The following LRP2 variants were observed in gnomAD, a reference collection of about 807,000 sequenced individuals.
The protein encoded by LRP2 is LDL receptor related protein 2, also known as low-density lipoprotein receptor-related protein 2.
Under a neutral mutation model 531.0 loss-of-function variants are expected in LRP2, and 172 were observed. That is an observed-to-expected ratio of 0.32 (90% CI 0.29 to 0.37). LRP2 has a LOEUF of 0.37. LRP2 is among the 10% of genes least tolerant of loss of function. The pLI is 1.00. For synonymous variants in LRP2, 1,992 were observed against 2,027.6 expected, an observed-to-expected ratio of 0.98 and a Z score of 0.47; for missense variants, 5,167 against 5,868.3, an observed-to-expected ratio of 0.88 and a Z score of 3.90.
At chr2:169,181,365 G>T in intron 52 of LRP2, 83 bp downstream of exon 52, 2 of 1,372,190 alleles carry the variant, frequency 1.5e-6, no homozygotes, top group Non-Finnish European at 2.1e-6. Context: ...AGACAATAGA[G>T]GGGACTAATA....
At chr2:169,342,749 T>C (rs1010295831) in intron 1 of LRP2, among the ~76,000 whole-genome samples, 10 of 152,320 alleles carry the variant, frequency 6.6e-5, no homozygotes, top group Non-Finnish European at 1.0e-4. Flanking sequence ...TTTATTTGCA[T>C]GTCTTATTCA....
chr2:169,272,203 A>G lies in LRP2; in HGVS notation c.2116+724T>C, dbSNP rs527799452. ...AGAAAGGAGAAATGTAGAAGTGAAA[A>G]TAAGAAAAACAAATATTGTAGGAGT... On this transcript the variant is annotated intron_variant, in intron 15 of 78. Coordinates refer to ENST00000649046, the MANE Select transcript of LRP2 (RefSeq NM_004525.3). 3.9e-5 allele frequency among the ~76,000 whole-genome samples: 6 copies of G among 152,264 alleles called. No homozygotes were observed. The South Asian group carries it at 1.2e-3, about 32-fold the overall frequency.
At chr2:169,323,015 A>T (rs1268868239) in intron 1 of LRP2, among the ~76,000 whole-genome samples, 1 of 152,196 alleles carries the variant, frequency 6.6e-6, no homozygotes, top group Non-Finnish European at 1.5e-5. Context: ...CTAAAATACC[A>T]AGTTAAACAC....
chr2:169,204,176 T>C lies in LRP2; in HGVS notation c.7811A>G (p.Tyr2604Cys), dbSNP rs752639843. 1 of 1,614,146 alleles carries C rather than the reference T, an allele frequency of 6.2e-7. No homozygotes were observed. The highest frequency in any genetic ancestry group is 8.5e-7 in the Non-Finnish European group (1 of 1,180,020). The change falls in exon 42 of 79, where the codon TAT (tyrosine) becomes TGT (cysteine). Residue 2604 changes from tyrosine (Y) to cysteine (C), a missense_variant. Tyr to Cys is a radical substitution (Grantham distance 194, BLOSUM62 -2). Coordinates refer to ENST00000649046, the MANE Select transcript of LRP2 (RefSeq NM_004525.3). ...TGTGTACAAGTCAGTCCAGTAAATA[T>C]ACTGGCCATAGAGAGTCAAGCCAAA... ...HAFGLTLYGQYIYWTDLYTQR... is the reference protein window; with the variant it reads ...HAFGLTLYGQCIYWTDLYTQR...
Position 169,207,030 on chromosome 2 carries a change from T to C in LRP2, c.6690A>G (p.Ser2230=), listed in dbSNP as rs1358309414. The stretch of plus-strand genomic sequence containing the variant: ...AGCCCCGTGGTGTGACAATGCCCTC[T>C]GACACAAGCACTGTTCGATTGGTAC... ...LDCTNRTVLV[S]EGIVTPRGLA... Residue 2230 remains serine, a synonymous_variant, in exon 39 of 79, where the codon TCA becomes TCG. Transcript: ENST00000649046. 1.9e-6 allele frequency: 3 copies of C among 1,614,106 alleles called. No individual in the cohort carries two copies. The highest frequency in any genetic ancestry group is 2.7e-5 in the African/African-American group (2 of 74,938).
At chr2:169,172,539 C>T (rs1687044343) in intron 57 of LRP2, among the ~76,000 whole-genome samples, 4 of 152,190 alleles carry the variant, frequency 2.6e-5, no homozygotes, top group Admixed American at 2.6e-4. Flanking sequence ...ACACATACTC[C>T]AGATGCTTTG....
chr2:169,175,216 G>T lies in LRP2; in HGVS notation c.10745C>A (p.Ser3582Tyr). 1 of 1,614,140 alleles carries T rather than the reference G, an allele frequency of 6.2e-7. No homozygotes were observed. The highest frequency in any genetic ancestry group is 1.1e-5 in the South Asian group (1 of 91,062). The change falls in exon 55 of 79, where the codon TCT becomes TAT. Residue 3582 changes from serine to tyrosine, a missense_variant. By Grantham distance (144) the Ser-to-Tyr change is moderately radical (BLOSUM62 -2). Transcript: ENST00000649046. ...CNAHQNCPDG[S>Y]DEDRLLCENH... ...ACCACAAAGAAGACGGTCTTCATCA[G>T]ACCCATCAGGGCAATTTTGGTGAGC...
chr2:169,312,867 C>A (rs1684653616), intron 3 of LRP2, among the ~76,000 whole-genome samples: 1 of 152,202 alleles, frequency 6.6e-6, no homozygotes, highest in South Asian at 2.1e-4. Context: ...GGTCGTTTCA[C>A]ATAGTCCCAT....
chr2:169,325,000 A>G (rs1230508443), intron 1 of LRP2, among the ~76,000 whole-genome samples: 7 of 152,086 alleles, frequency 4.6e-5, no homozygotes, highest in Admixed American at 4.6e-4. Flanking sequence ...TTAAATCCAT[A>G]GAAAGAAAAA....
In LRP2 at chr2:169,166,045, G is replaced by A; in HGVS notation, c.11645C>T (p.Pro3882Leu). The A allele has an allele frequency of 6.2e-7, 1 of 1,613,950 alleles. No individual in the cohort carries two copies. The highest frequency in any genetic ancestry group is 8.5e-7 in the Non-Finnish European group (1 of 1,179,910). Residue 3882 changes from proline (P) to leucine (L), a missense_variant, in exon 62 of 79, where the codon CCC becomes CTC. By Grantham distance (98) the Pro-to-Leu change is moderately conservative. Transcript: ENST00000649046. ...CCGGAAACGGTTTGGTGAATTACAG[G>A]GAACATCCACTGAAAGGAAAGATAG... ...DEELHLCLDV[P>L]CNSPNRFRCD...
chr2:169,279,583 CA>C lies in LRP2; in HGVS notation c.1353del (p.Asp452ThrfsTer5). Reference sequence around the variant, plus strand: ...TCTTGGATATTTAAACCATTAATGTCAACTGAAAAAACCTGAAAGAAAAACC... The same window carrying C: ...TCTTGGATATTTAAACCATTAATGTCACTGAAAAAACCTGAAAGAAAAACC... ...TDTVQNKVFSVDINGLNIQEV... is the reference protein window; with the variant it reads ...TDTVQNKVFSXDINGLNIQEV... On this transcript the variant is annotated frameshift_variant, in exon 12 of 79. Coordinates refer to ENST00000649046, the MANE Select transcript of LRP2 (RefSeq NM_004525.3). LOFTEE classifies it high-confidence loss of function. The C allele has an allele frequency of 6.2e-7, 1 of 1,611,242 alleles. No individual in the cohort carries two copies.
chr2:169,205,705 A>AG lies in LRP2; in HGVS notation c.7557-69dup. The AG allele has an allele frequency of 4.4e-6, 6 of 1,350,382 alleles. No individual in the cohort carries two copies. In the African/African-American group the frequency reaches 8.9e-5, roughly 20 times the overall value. The allele number at this position is 1,350,382 out of a possible 1,614,324, so 83.6% of individuals were successfully genotyped here. Reference sequence around the variant, plus strand: ...TCATAGTCCTTTAAAAAAAAAAAAAAGGACAATATTCTTTAATTGCAAATT... The same window carrying AG: ...TCATAGTCCTTTAAAAAAAAAAAAAAGGGACAATATTCTTTAATTGCAAATT... On this transcript the variant is annotated intron_variant, in intron 40 of 78. Transcript: ENST00000649046.
In LRP2 at chr2:169,193,783, G is replaced by A. The variant is rs367851828; in HGVS notation, c.8808C>T (p.Asp2936=). 1.4e-5 allele frequency: 22 copies of A among 1,613,970 alleles called. No individual in the cohort carries two copies. Among genetic ancestry groups the A allele is most frequent in the East Asian group, 4.5e-5 (2 of 44,892 alleles). ...TACGACACTGGTGCCTTTTATCCTC[G>A]TCACTCATATCCCCACAGTCATTAT... ...DGDNDCGDMS[D]EDKRHQCQNQ... The change falls in exon 47 of 79, where the codon GAC becomes GAT. Residue 2936 remains aspartate (D), a synonymous_variant. Transcript: ENST00000649046.
intron 1 of LRP2, among the ~76,000 whole-genome samples, chr2:169,360,410 A>G (rs964418197): frequency 2.0e-5 from 3 of 149,918 alleles, no homozygotes; most frequent in African/African-American, 7.3e-5. Flanking sequence ...CTAGGTTACT[A>G]TTACTATACA....
At chr2:169,154,732 C>CT in intron 65 of LRP2, 129 bp from the exon 66 acceptor site, 1 of 808,672 alleles carries the variant, frequency 1.2e-6, no homozygotes, top group Non-Finnish European at 2.1e-6. Context: ...ATCTGACTAT[C>CT]TCTGTTAATC....
At chr2:169,255,614 TA>T (rs893091612) in intron 19 of LRP2, among the ~76,000 whole-genome samples, 11 of 152,174 alleles carry the variant, frequency 7.2e-5, no homozygotes, top group Non-Finnish European at 1.2e-4. Context: ...ACATTTTGAA[TA>T]AAAAAGTTTC....
chr2:169,328,206 G>A (rs1312133109), intron 1 of LRP2, among the ~76,000 whole-genome samples: 2 of 119,030 alleles, frequency 1.7e-5, no homozygotes, highest in Non-Finnish European at 1.8e-5. Flanking sequence ...TCAGCGCCCC[G>A]CCCGGCCAGC....
chr2:169,195,375 T>C (rs1298384489), intron 46 of LRP2, among the ~76,000 whole-genome samples: 1 of 152,158 alleles, frequency 6.6e-6, no homozygotes, highest in East Asian at 1.9e-4. Flanking sequence ...ATATAAAAGA[T>C]AAAAGTAAGT....
Position 169,204,120 on chromosome 2 carries a change from C to T in LRP2, c.7867G>A (p.Gly2623Arg), listed in dbSNP as rs762220953. ...GTGGTCATTGCAATCTGACCTGACC[C>T]GTCATATTTGTTAGCTCGGTAAATT... ...QRIYRANKYD[G>R]SGQIAMTTNL... The change falls in exon 42 of 79, where the codon GGG (glycine) becomes AGG (arginine). Residue 2623 changes from glycine to arginine, a missense_variant. Physicochemically the swap from Gly to Arg is moderately radical, Grantham distance 125 (BLOSUM62 -2). Around this residue, in one of 6 missense-constraint regions of LRP2, gnomAD observed 1,129 missense variants for 1,362.7 expected, o/e 0.83. Coordinates refer to ENST00000649046, the MANE Select transcript of LRP2 (RefSeq NM_004525.3). 4.3e-6 allele frequency: 7 copies of T among 1,614,096 alleles called. No homozygotes were observed. Among genetic ancestry groups the T allele is most frequent in the South Asian group, 3.3e-5 (3 of 91,076 alleles).
Sources: gnomAD v4.1 joint callset for allele counts (sites outside exome capture counted in the v4.1 genomes callset) on GRCh38, gnomAD v4.1.1 for gene constraint, gnomAD v4.1.1 regional missense constraint, MANE v1.5 for transcripts, NCBI Gene and HGNC (gene_info 2026-07-23, HGNC 2026-07-21) for gene names.